CTIF: variants seen among roughly 807,000 people sequenced by gnomAD.
CTIF encodes cap binding complex dependent translation initiation factor.
Under a neutral mutation model 66.0 loss-of-function variants are expected in CTIF, and 21 were observed. The observed-to-expected ratio is 0.32, with a 90% confidence interval of 0.23 to 0.46. CTIF has a LOEUF of 0.46. Among genes scored for constraint, CTIF ranks in the 20% least tolerant of loss-of-function variants. CTIF has a pLI of 1.00. For missense variants in CTIF, 739 were observed against 812.7 expected (o/e 0.91, Z 1.10); for synonymous variants, 345 against 326.4 (o/e 1.06, Z -0.62).
rs561878553 is a variant in CTIF, at chr18:48,815,442, C to T, written c.1372-1779C>T. 3.1e-4 allele frequency among the ~76,000 whole-genome samples: 47 copies of T among 152,346 alleles called. No individual in the cohort carries two copies. The South Asian group carries it at 8.3e-3, about 27-fold the overall frequency. On this transcript the variant is annotated intron_variant, in intron 9 of 11. Coordinates refer to ENST00000256413, the MANE Select transcript of CTIF (RefSeq NM_014772.3). Reference sequence around the variant, plus strand: ...ATTGTGATAACTATGTAAAATACCACAATTAATATCCTTGGCTCAGTGTCT... The same window carrying T: ...ATTGTGATAACTATGTAAAATACCATAATTAATATCCTTGGCTCAGTGTCT...
chr18:48,833,138 C>T (rs1425239213), intron 10 of CTIF, among the ~76,000 whole-genome samples: 2 of 152,234 alleles, frequency 1.3e-5, no homozygotes, highest in Non-Finnish European at 2.9e-5. Context: ...TCCTGCTGGC[C>T]ACACAGAGGT....
intron 6 of CTIF, among the ~76,000 whole-genome samples, chr18:48,685,470 G>A (rs2091824610): frequency 6.6e-6 from 1 of 152,028 alleles, no homozygotes; most frequent in Non-Finnish European, 1.5e-5. Context: ...TGATCCGCCT[G>A]CCTCGACCTC....
At position 48,854,240 on chromosome 18, in the gene CTIF, G is replaced by A. The variant is rs187465384; in HGVS notation, c.1528-3348G>A. Among the ~76,000 whole-genome samples, 13 of 152,244 alleles carry A rather than the reference G, an allele frequency of 8.5e-5. No homozygotes were observed. The East Asian group carries it at 1.7e-3, about 20-fold the overall frequency. On this transcript the variant is annotated intron_variant, in intron 10 of 11. Transcript: ENST00000256413. ...AGGAGTGCCTGGGAGTGAGAAGCAG[G>A]GAGGGCAGGGACTGGGGTGGTCAGG...
intron 9 of CTIF, among the ~76,000 whole-genome samples, chr18:48,794,035 G>A (rs2067853659): frequency 6.6e-6 from 1 of 151,566 alleles, no homozygotes; most frequent in African/African-American, 2.4e-5. Context: ...CATCTCCCCA[G>A]GGGAGGCGAG....
chr18:48,598,717 G>A (rs371025150), intron 1 of CTIF, among the ~76,000 whole-genome samples: 1 of 152,166 alleles, frequency 6.6e-6, no homozygotes. Context: ...ATAACAGCAC[G>A]CAGGGCAAGA....
chr18:48,579,624 G>C (rs1420658198), intron 1 of CTIF, among the ~76,000 whole-genome samples: 1 of 152,114 alleles, frequency 6.6e-6, no homozygotes, highest in East Asian at 1.9e-4. Flanking sequence ...CTGCCTCAAA[G>C]TACCAGGCAT....
intron 6 of CTIF, among the ~76,000 whole-genome samples, chr18:48,687,189 G>A (rs1417910009): frequency 1.3e-5 from 2 of 152,002 alleles, no homozygotes; most frequent in African/African-American, 2.4e-5. Flanking sequence ...AGGAGAACTG[G>A]CTTGTGGCTG....
chr18:48,856,650 T>C (rs1218217787), intron 10 of CTIF, among the ~76,000 whole-genome samples: 7 of 152,142 alleles, frequency 4.6e-5, no homozygotes, highest in African/African-American at 1.4e-4. Flanking sequence ...AAGAAGTCAA[T>C]CACAAAAGGC....
At chr18:48,819,540 A>G (rs1487724508) in intron 10 of CTIF, among the ~76,000 whole-genome samples, 1 of 152,012 alleles carries the variant, frequency 6.6e-6, no homozygotes, top group Non-Finnish European at 1.5e-5. Flanking sequence ...CACTTTTAAC[A>G]CCGCCTGAGG....
At position 48,582,141 on chromosome 18, in the gene CTIF, C is replaced by T. The variant is rs191152492; in HGVS notation, c.-28-37397C>T. 1.5e-4 allele frequency among the ~76,000 whole-genome samples: 23 copies of T among 152,076 alleles called. No homozygotes were observed. In the South Asian group the frequency reaches 4.6e-3, roughly 30 times the overall value. ...GGCTGGGTACCCTGAGAGTGTGGTG[C>T]TGTAATCACCCTCTGGCCAGCAAGG... On this transcript the variant is annotated intron_variant, in intron 1 of 11. Coordinates refer to ENST00000256413, the MANE Select transcript of CTIF (RefSeq NM_014772.3).
intron 7 of CTIF, 133 bp downstream of exon 7, chr18:48,711,828 G>A (rs566560170): frequency 1.5e-4 from 111 of 737,718 alleles, no homozygotes; most frequent in Middle Eastern, 3.8e-4. Flanking sequence ...TGGTGGCATC[G>A]TGGGTTGGTT....
intron 9 of CTIF, among the ~76,000 whole-genome samples, chr18:48,781,525 A>G (rs922889760): frequency 1.3e-5 from 2 of 152,182 alleles, no homozygotes; most frequent in African/African-American, 4.8e-5. Context: ...GTGTATCTGC[A>G]TGCGTCTGCC....
At chr18:48,793,451 C>T (rs1035275153) in intron 9 of CTIF, among the ~76,000 whole-genome samples, 2 of 152,214 alleles carry the variant, frequency 1.3e-5, no homozygotes, top group African/African-American at 4.8e-5. Flanking sequence ...TTCCCCACAG[C>T]CATTTACAAC....
chr18:48,569,379 T>C (rs974857505), intron 1 of CTIF, among the ~76,000 whole-genome samples: 9 of 150,980 alleles, frequency 6.0e-5, no homozygotes, highest in Non-Finnish European at 1.0e-4. Flanking sequence ...CTGAGAAAGA[T>C]GACAAGGTGA....
intron 7 of CTIF, among the ~76,000 whole-genome samples, chr18:48,742,822 T>A (rs1410054355): frequency 1.3e-5 from 2 of 151,966 alleles, no homozygotes; most frequent in Non-Finnish European, 2.9e-5. Flanking sequence ...ATTGGGGTGT[T>A]TTTTCATCTT....
chr18:48,712,974 C>G (rs1400068163), intron 7 of CTIF, among the ~76,000 whole-genome samples: 1 of 152,220 alleles, frequency 6.6e-6, no homozygotes, highest in Non-Finnish European at 1.5e-5. Flanking sequence ...CCACCAGACA[C>G]TTTCTGTAGA....
chr18:48,696,369 A>T (rs2092008272), intron 6 of CTIF, among the ~76,000 whole-genome samples: 1 of 152,158 alleles, frequency 6.6e-6, no homozygotes. Context: ...GTTGGTGCTG[A>T]CTGGGGTCAC....
intron 3 of CTIF, among the ~76,000 whole-genome samples, chr18:48,643,413 A>G (rs1259861997): frequency 1.3e-5 from 2 of 152,228 alleles, no homozygotes; most frequent in African/African-American, 4.8e-5. Flanking sequence ...GGGGAAACAC[A>G]GCAAGGCCTG....
chr18:48,791,438 AC>A (rs2067790055), intron 9 of CTIF, among the ~76,000 whole-genome samples: 1 of 152,184 alleles, frequency 6.6e-6, no homozygotes, highest in Non-Finnish European at 1.5e-5. Flanking sequence ...AGGCAGGGCT[AC>A]CAGAAACTCA....
Sources: allele counts gnomAD v4.1 joint callset (sites outside exome capture counted in the v4.1 genomes callset), GRCh38; gene constraint gnomAD v4.1.1; transcripts MANE v1.5; gene names NCBI Gene and HGNC (gene_info 2026-07-23, HGNC 2026-07-21).